The following DGKD variants were observed in gnomAD, a reference collection of about 807,000 sequenced individuals.
The protein encoded by DGKD is diacylglycerol kinase delta, also known as DAG kinase delta.
Under a neutral mutation model 154.4 loss-of-function variants are expected in DGKD, and 68 were observed. That is an observed-to-expected ratio of 0.44 (90% CI 0.36 to 0.54). The LOEUF is 0.54. Ranked by LOEUF, DGKD falls within the 20% of genes least tolerant of loss-of-function variation. The pLI is 0.00. For missense variants in DGKD, 1,343 were observed against 1,593.6 expected (o/e 0.84, Z 2.68); for synonymous variants, 693 against 638.0 (o/e 1.09, Z -1.30).
At chr2:233,356,693 C>T (rs1701546279) in intron 1 of DGKD, among the ~76,000 whole-genome samples, 1 of 152,090 alleles carries the variant, frequency 6.6e-6, no homozygotes, top group African/African-American at 2.4e-5. Context: ...AAATACACCC[C>T]GAGGACTTAG....
intron 5 of DGKD, among the ~76,000 whole-genome samples, chr2:233,435,371 C>T (rs567702303): frequency 6.6e-4 from 100 of 152,306 alleles, no homozygotes; most frequent in Non-Finnish European, 1.2e-3. Context: ...CTGCCTCTGC[C>T]TGTTTTTGTA....
intron 3 of DGKD, among the ~76,000 whole-genome samples, chr2:233,397,586 C>A (rs1465461468): frequency 1.4e-5 from 2 of 147,058 alleles, no homozygotes; most frequent in East Asian, 4.2e-4. Flanking sequence ...GAGTGGCTGG[C>A]AGAGGCCAGA....
chr2:233,430,621 T>A (rs1237483599), intron 3 of DGKD, among the ~76,000 whole-genome samples: 2 of 152,198 alleles, frequency 1.3e-5, no homozygotes, highest in African/African-American at 4.8e-5. Flanking sequence ...AAAGCTAGAT[T>A]TCTAAATCTA....
At chr2:233,420,192 C>T (rs577458128) in intron 3 of DGKD, among the ~76,000 whole-genome samples, 17 of 152,224 alleles carry the variant, frequency 1.1e-4, no homozygotes, top group Non-Finnish European at 2.4e-4. Flanking sequence ...CAGGAGATTC[C>T]CCTCCCCCAG....
intron 3 of DGKD, among the ~76,000 whole-genome samples, chr2:233,411,957 A>G (rs546414279): frequency 5.3e-5 from 8 of 152,098 alleles, no homozygotes; most frequent in South Asian, 2.1e-4. Context: ...CAGATTTTCT[A>G]TTTTGTTTTA....
At chr2:233,362,391 CTG>C (rs1432224263) in intron 1 of DGKD, among the ~76,000 whole-genome samples, 3 of 152,200 alleles carry the variant, frequency 2.0e-5, no homozygotes, top group African/African-American at 7.2e-5. Flanking sequence ...TGACTCACGA[CTG>C]TAATCCCAGC....
At chr2:233,388,580 C>T (rs905120910) in intron 2 of DGKD, 2 of 458,946 alleles carry the variant, frequency 4.4e-6, no homozygotes, top group Non-Finnish European at 3.8e-6. Context: ...TTTTCCTTTT[C>T]TTTAATGTCA....
At chr2:233,446,905 G>A in intron 12 of DGKD, 109 bp downstream of exon 12, 2 of 1,304,906 alleles carry the variant, frequency 1.5e-6, no homozygotes, top group Non-Finnish European at 1.1e-6. Context: ...CTTTGGTGTT[G>A]GGGTGTCACA....
chr2:233,458,255 G>A lies in DGKD; in HGVS notation c.2581-29G>A, dbSNP rs1008872851. ...GCCTGTGCTCGGGGATGTGTGGAGT[G>A]GTGGTCAGCTCTAACGTGTCCCTTG... is the stretch of plus-strand genomic sequence containing the variant. On this transcript the variant is annotated intron_variant, in intron 21 of 29. Coordinates refer to ENST00000264057, the MANE Select transcript of DGKD (RefSeq NM_152879.3). The surrounding 1 kb of genome is among the most constrained non-coding windows in gnomAD (Gnocchi z 6.6). 5 of 1,477,786 alleles carry A rather than the reference G, an allele frequency of 3.4e-6. No homozygotes were observed. The African/African-American group carries it at 6.9e-5, about 20-fold the overall frequency. The allele number at this position is 1,477,786 out of a possible 1,614,324, so 91.5% of individuals were successfully genotyped here.
intron 12 of DGKD, 93 bp downstream of exon 12, chr2:233,446,889 C>A: frequency 7.0e-7 from 1 of 1,435,228 alleles, no homozygotes; most frequent in Non-Finnish European, 9.6e-7. Context: ...TGCAGAGACG[C>A]CTCCCCTTTG....
chr2:233,386,350 G>C (rs1703178523), intron 1 of DGKD: 1 of 171,958 alleles, frequency 5.8e-6, no homozygotes, highest in Admixed American at 5.7e-5. Flanking sequence ...TTTGAAATGA[G>C]TTTCATCCAT....
At chr2:233,403,104 G>A (rs79451498) in intron 3 of DGKD, among the ~76,000 whole-genome samples, 1,563 of 152,250 alleles carry the variant, frequency 0.01, 32 homozygotes, top group African/African-American at 0.035. Flanking sequence ...GAAGAGTCAG[G>A]GAGTCGGGGA....
At chr2:233,423,756 C>T (rs2062197868) in intron 3 of DGKD, among the ~76,000 whole-genome samples, 1 of 152,040 alleles carries the variant, frequency 6.6e-6, no homozygotes, top group Non-Finnish European at 1.5e-5. Flanking sequence ...TCTGACTGCC[C>T]CCTTCCTGGA....
At chr2:233,355,602 C>T (rs917622793) in intron 1 of DGKD, among the ~76,000 whole-genome samples, 1 of 152,210 alleles carries the variant, frequency 6.6e-6, no homozygotes, top group Non-Finnish European at 1.5e-5. Flanking sequence ...GCCTTCTCTT[C>T]TGTCAGCCTT....
At chr2:233,364,297 A>G (rs890976164) in intron 1 of DGKD, among the ~76,000 whole-genome samples, 3 of 152,226 alleles carry the variant, frequency 2.0e-5, no homozygotes, top group African/African-American at 7.2e-5. Flanking sequence ...GCAGACCCAC[A>G]CTAAAGGAAA....
intron 1 of DGKD, among the ~76,000 whole-genome samples, chr2:233,387,610 C>T (rs1019260791): frequency 2.6e-5 from 4 of 152,178 alleles, no homozygotes; most frequent in Non-Finnish European, 4.4e-5. Context: ...CCGTATAATC[C>T]ATTTCTGGAT....
rs2063317989 is a variant in DGKD, at chr2:233,452,228, A to G, written c.2264+168A>G. Among the ~76,000 whole-genome samples, 1 of 152,222 alleles carries G rather than the reference A, an allele frequency of 6.6e-6. No homozygotes were observed. The highest frequency in any genetic ancestry group is 2.1e-4 in the South Asian group (1 of 4,832). The stretch of plus-strand genomic sequence containing the variant: ...GATTCCACTTAAGGAGTGGAGCTGG[A>G]AACCACTACTGCACATCTGCTGCAG... On this transcript the variant is annotated intron_variant, in intron 18 of 29. Transcript: ENST00000264057. The surrounding 1 kb of genome is among the most constrained non-coding windows in gnomAD (Gnocchi z 4.0).
At chr2:233,373,684 CTTAA>C (rs1574993191) in intron 1 of DGKD, among the ~76,000 whole-genome samples, 1 of 152,172 alleles carries the variant, frequency 6.6e-6, no homozygotes, top group East Asian at 1.9e-4. Flanking sequence ...TATGGAACGA[CTTAA>C]TTATGTTCCC....
In DGKD at chr2:233,458,585, G is replaced by A. The variant is rs1407606104; in HGVS notation, c.2694+188G>A. 6.6e-6 allele frequency among the ~76,000 whole-genome samples: 1 copy of A among 151,764 alleles called. No individual in the cohort carries two copies. The highest frequency in any genetic ancestry group is 1.5e-5 in the Non-Finnish European group (1 of 67,938). ...CCCTTTCCTTGTGCTATGCTTGACAGTTAAATTCTCAAGATAACTCTTTTT... is the reference window on the plus strand; with the variant it reads ...CCCTTTCCTTGTGCTATGCTTGACAATTAAATTCTCAAGATAACTCTTTTT... On this transcript the variant is annotated intron_variant, in intron 22 of 29. Transcript: ENST00000264057. This position sits in a 1 kb window ranked among gnomAD's most constrained non-coding sequence, Gnocchi z 6.6.
Sources: gnomAD v4.1 joint callset for allele counts (sites outside exome capture counted in the v4.1 genomes callset) on GRCh38, gnomAD v4.1.1 for gene constraint, Gnocchi (gnomAD v3.1) non-coding constraint, MANE v1.5 for transcripts, NCBI Gene and HGNC (gene_info 2026-07-23, HGNC 2026-07-21) for gene names.